Variants in LIMS2 observed in about 807,000 individuals in gnomAD.
The protein encoded by LIMS2 is LIM zinc finger domain containing 2.
LIMS2 carries 30 observed loss-of-function variants against 45.3 expected under a neutral mutation model. The ratio of observed to expected loss-of-function variants is 0.66; its 90% CI spans 0.50 to 0.90. The LOEUF (loss-of-function observed/expected upper bound fraction) is 0.90. LIMS2 is among the 40% of genes least tolerant of loss of function. The probability of loss-of-function intolerance (pLI) is 0.00; values close to 1 mark genes in which losing one functional copy is unlikely to be tolerated. For missense variants in LIMS2, 485 were observed against 468.7 expected, an observed-to-expected ratio of 1.03 and a Z score of -0.32; for synonymous variants, 173 against 188.0, an observed-to-expected ratio of 0.92 and a Z score of 0.65.
At chr2:127,652,560 AG>A in intron 4 of LIMS2, 1 of 166,924 alleles carries the variant, frequency 6.0e-6, no homozygotes. Context: ...TTCCCTTGCT[AG>A]TGTGCAGATA....
chr2:127,669,098 T>C (rs1685166050), intron 1 of LIMS2, among the ~76,000 whole-genome samples: 1 of 151,440 alleles, frequency 6.6e-6, no homozygotes, highest in Non-Finnish European at 1.5e-5. Context: ...GTCTCGAGAG[T>C]CCAAAAATAA....
chr2:127,658,504 G>T (rs1684409717), intron 1 of LIMS2, among the ~76,000 whole-genome samples: 1 of 152,216 alleles, frequency 6.6e-6, no homozygotes, highest in Non-Finnish European at 1.5e-5. Context: ...TCAGTGGTGG[G>T]TTTCCTTCTG....
rs143058248 is a variant in LIMS2 at position 127,672,991 on chromosome 2, G to A, written c.11+2023C>T. 2.9e-4 allele frequency among the ~76,000 whole-genome samples: 44 copies of A among 152,198 alleles called. No individual in the cohort carries two copies. Among genetic ancestry groups the A allele is most frequent in the Admixed American group, 5.2e-4 (8 of 15,274 alleles). On this transcript the variant is annotated intron_variant, in intron 1 of 9. Transcript: ENST00000355119. This position sits in a 1 kb window ranked among gnomAD's most constrained non-coding sequence, Gnocchi z 4.9. ...TGGGGAAGGGCACCCAGCATGAAAC[G>A]GTGGAAATGAAACTCCACTGCTTCT... is the stretch of plus-strand genomic sequence containing the variant.
At chr2:127,658,441 T>A (rs930423270) in intron 1 of LIMS2, among the ~76,000 whole-genome samples, 11 of 150,746 alleles carry the variant, frequency 7.3e-5, no homozygotes, top group African/African-American at 2.7e-4. Flanking sequence ...GAGACGGGAG[T>A]GTGGTGAGGG....
chr2:127,645,611 T>C (rs780553831), intron 4 of LIMS2, among the ~76,000 whole-genome samples: 2 of 152,206 alleles, frequency 1.3e-5, no homozygotes, highest in African/African-American at 4.8e-5. Context: ...CAGCTGTTCC[T>C]CGCTCCAGAT....
In LIMS2 at chr2:127,639,289, A is replaced by G; in HGVS notation, c.1018T>C (p.Ser340Pro). The change falls in exon 10 of 10, where the codon TCT (serine) becomes CCT (proline). Residue 340 changes from serine to proline, a missense_variant. Coordinates refer to ENST00000355119, the MANE Select transcript of LIMS2 (RefSeq NM_001161403.3). Reference protein sequence around the residue: ...KAQPKATDLNSA With the variant: ...KAQPKATDLNPA ...GCTGCGCAAGAGGGCCTTCAGGCAG[A>G]GTTGAGGTCTGTGGCCTTGGGCTGG... 1 of 1,613,538 alleles carries G rather than the reference A, an allele frequency of 6.2e-7. No homozygotes were observed. Among genetic ancestry groups the G allele is most frequent in the Non-Finnish European group, 8.5e-7 (1 of 1,179,782 alleles).
intron 2 of LIMS2, 70 bp downstream of exon 2, chr2:127,657,333 G>T: frequency 6.3e-7 from 1 of 1,586,332 alleles, no homozygotes; most frequent in Non-Finnish European, 8.6e-7. Context: ...ACTGCATGGA[G>T]CCCGGCCCAC....
rs1684008283 is a variant in LIMS2 at position 127,653,517 on chromosome 2, G to A, written c.359+907C>T. On this transcript the variant is annotated intron_variant, in intron 4 of 9. Coordinates refer to ENST00000355119, the MANE Select transcript of LIMS2 (RefSeq NM_001161403.3). This position sits in a 1 kb window ranked among gnomAD's most constrained non-coding sequence, Gnocchi z 5.3. ...CATTTAGGGCTCTAGGATTCTGTCT[G>A]CAAGGGCAGCCATGAGGGCCGGGCA... Among the ~76,000 whole-genome samples the A allele has an allele frequency of 6.6e-6, 1 of 152,194 alleles. No individual in the cohort carries two copies. The highest frequency in any genetic ancestry group is 2.4e-5 in the African/African-American group (1 of 41,446).
At chr2:127,651,774 GC>G in intron 4 of LIMS2, 1 of 1,605,662 alleles carries the variant, frequency 6.2e-7, no homozygotes, top group South Asian at 1.1e-5. Context: ...CGCCGTCCAG[GC>G]CGAGCGCAGA....
intron 1 of LIMS2, among the ~76,000 whole-genome samples, chr2:127,673,012 C>T (rs1267354785): frequency 1.3e-5 from 2 of 152,244 alleles, no homozygotes; most frequent in African/African-American, 4.8e-5. Context: ...AACTCCACTG[C>T]TTCTGGGACA....
chr2:127,642,278 C>T lies in LIMS2; in HGVS notation c.510-79G>A. ...TGCCAGCAGCGCCTCCACCCCAGGG[C>T]ACGGCTCCCCGAGGGGCCCATTCTG... On this transcript the variant is annotated intron_variant, in intron 5 of 9. Coordinates refer to ENST00000355119, the MANE Select transcript of LIMS2 (RefSeq NM_001161403.3). This position sits in a 1 kb window ranked among gnomAD's most constrained non-coding sequence, Gnocchi z 5.3. 1 of 1,407,026 alleles carries T rather than the reference C, an allele frequency of 7.1e-7. No homozygotes were observed. Among genetic ancestry groups the T allele is most frequent in the Non-Finnish European group, 9.3e-7 (1 of 1,072,510 alleles). 87.2% of individuals were successfully genotyped at this position (1,407,026 alleles called of 1,614,324 possible).
At chr2:127,650,840 C>G in intron 4 of LIMS2, 1 of 1,614,144 alleles carries the variant, frequency 6.2e-7, no homozygotes, top group Admixed American at 1.7e-5. Context: ...TGCTGTTCGC[C>G]TCCTTCTACC....
Position 127,642,288 on chromosome 2 carries a change from C to T in LIMS2, c.510-89G>A, listed in dbSNP as rs757883669. Reference sequence around the variant, plus strand: ...GCCTCCACCCCAGGGCACGGCTCCCCGAGGGGCCCATTCTGTCCCTGCAGA... The same window carrying T: ...GCCTCCACCCCAGGGCACGGCTCCCTGAGGGGCCCATTCTGTCCCTGCAGA... On this transcript the variant is annotated intron_variant, in intron 5 of 9. Transcript: ENST00000355119. The surrounding 1 kb of genome is among the most constrained non-coding windows in gnomAD (Gnocchi z 5.3). The T allele has an allele frequency of 2.6e-5, 36 of 1,380,428 alleles. No homozygotes were observed. Among genetic ancestry groups the T allele is most frequent in the East Asian group, 5.2e-5 (2 of 38,332 alleles). 85.5% of individuals were successfully genotyped at this position (1,380,428 alleles called of 1,614,324 possible).
In LIMS2 at chr2:127,642,488, G is replaced by A. The variant is rs1387079239; in HGVS notation, c.510-289C>T. 2 of 384,254 alleles carry A rather than the reference G, an allele frequency of 5.2e-6. No homozygotes were observed. Among genetic ancestry groups the A allele is most frequent in the Non-Finnish European group, 4.7e-6 (1 of 214,284 alleles). 23.8% of individuals were successfully genotyped at this position (384,254 alleles called of 1,614,324 possible). On this transcript the variant is annotated intron_variant, in intron 5 of 9. Coordinates refer to ENST00000355119, the MANE Select transcript of LIMS2 (RefSeq NM_001161403.3). This position sits in a 1 kb window ranked among gnomAD's most constrained non-coding sequence, Gnocchi z 5.3. Reference sequence around the variant, plus strand: ...CCCCTCCTCCTCCAAACCAGAGGGGGTGTCTGGATAGGCACGGAGAGGACT... The same window carrying A: ...CCCCTCCTCCTCCAAACCAGAGGGGATGTCTGGATAGGCACGGAGAGGACT...
rs370024589 is a variant in LIMS2 at position 127,654,822 on chromosome 2, G to A, written c.238+8C>T. ...GCAGCCCAGGATGTGTACTGTCACC[G>A]GCCTTACCGCAGGATCCACAGCACG... On this transcript the variant is annotated splice_region_variant and intron_variant, in intron 3 of 9. Transcript: ENST00000355119. 7.7e-5 allele frequency: 124 copies of A among 1,613,836 alleles called. No homozygotes were observed. Among genetic ancestry groups the A allele is most frequent in the Non-Finnish European group, 9.6e-5 (113 of 1,179,892 alleles).
At chr2:127,680,055 C>T (rs571181016), upstream of LIMS2, among the ~76,000 whole-genome samples, 54 of 152,332 alleles carry the variant, frequency 3.5e-4, no homozygotes, top group South Asian at 9.5e-3. Context: ...TGGCAAAACA[C>T]AGAGACCTGC....
chr2:127,649,183 G>A (rs113159429), intron 4 of LIMS2, among the ~76,000 whole-genome samples: 274 of 63,162 alleles, frequency 4.3e-3, no homozygotes, highest in Middle Eastern at 7.1e-3. Context: ...AAGGAAGGAA[G>A]GAAGGAAGGA....
intron 1 of LIMS2, among the ~76,000 whole-genome samples, chr2:127,668,385 G>C (rs906310934): frequency 1.3e-5 from 2 of 151,282 alleles, no homozygotes; most frequent in Non-Finnish European, 2.9e-5. Context: ...AAAAAACAAA[G>C]AGGCCAGGTG....
At chr2:127,656,406 T>C (rs1479226985) in intron 2 of LIMS2, among the ~76,000 whole-genome samples, 3 of 150,184 alleles carry the variant, frequency 2.0e-5, no homozygotes, top group South Asian at 4.3e-4. Context: ...CCTCCTTTTT[T>C]TTTTCTTTCT....
Sources: gnomAD v4.1 joint callset for allele counts (sites outside exome capture counted in the v4.1 genomes callset) on GRCh38, gnomAD v4.1.1 for gene constraint, Gnocchi (gnomAD v3.1) non-coding constraint, MANE v1.5 for transcripts, NCBI Gene and HGNC (gene_info 2026-07-23, HGNC 2026-07-21) for gene names.